The following SLC26A1 variants were observed in gnomAD, a reference collection of about 807,000 sequenced individuals.
SLC26A1 encodes the protein solute carrier family 26 member 1, also known as sulfate anion transporter 1.
A neutral mutation model predicts 14.5 loss-of-function variants in SLC26A1; 18 were observed. The ratio of observed to expected loss-of-function variants is 1.24; its 90% CI spans 0.86 to 1.84. The LOEUF (loss-of-function observed/expected upper bound fraction) is 1.84, where lower values mean the gene tolerates loss of function less well. Ranked by LOEUF, SLC26A1 falls within the 40% of genes most tolerant of loss-of-function variation. The probability of loss-of-function intolerance (pLI) is 0.00; values close to 1 mark genes in which losing one functional copy is unlikely to be tolerated. For synonymous variants in SLC26A1, 505 were observed against 492.0 expected, an observed-to-expected ratio of 1.03 and a Z score of -0.35; for missense variants, 1,049 against 1,020.0, an observed-to-expected ratio of 1.03 and a Z score of -0.39.
At position 989,529 on chromosome 4, in the gene SLC26A1, G is replaced by A. The variant is rs753595571; in HGVS notation, c.1410C>T (p.Asp470=). ...LPRLWRMSPA[D]ALVWAGTAAT... is the part of the protein sequence containing the mutation. ...CCGCGGTGCCTGCCCAGACCAGCGCGTCAGCCGGGCTCATCCGCCACAGCC... is the reference window on the plus strand; with the variant it reads ...CCGCGGTGCCTGCCCAGACCAGCGCATCAGCCGGGCTCATCCGCCACAGCC... The change falls in exon 3 of 3, where the codon GAC becomes GAT. Residue 470 remains aspartate, a synonymous_variant. Transcript: ENST00000398516. 1.2e-5 allele frequency: 18 copies of A among 1,556,854 alleles called. No homozygotes were observed. The highest frequency in any genetic ancestry group is 5.4e-5 in the African/African-American group (4 of 73,674).
rs1271649540 is a variant in SLC26A1, at chr4:991,625, G to C, written c.79C>G (p.Leu27Val). ...VRRQRPAPRGLREMLKARLWC... is the reference protein window; with the variant it reads ...VRRQRPAPRGVREMLKARLWC... ...AGCCTGGCCTTCAGCATCTCACGCA[G>C]ACCCCGGGGTGCTGGGCGCTGCCGT... The change falls in exon 2 of 3, where the codon CTG becomes GTG. Residue 27 changes from leucine to valine, a missense_variant. Physicochemically the swap from Leu to Val is conservative, Grantham distance 32. Transcript: ENST00000398516. 6.3e-7 allele frequency: 1 copy of C among 1,583,194 alleles called. No individual in the cohort carries two copies. Among genetic ancestry groups the C allele is most frequent in the Non-Finnish European group, 8.5e-7 (1 of 1,170,988 alleles).
chr4:983,606 C>A (rs1191042406), downstream of SLC26A1, among the ~76,000 whole-genome samples: 2 of 152,212 alleles, frequency 1.3e-5, no homozygotes, highest in African/African-American at 4.8e-5. Context: ...TTCACAGAAC[C>A]TGAGTATAAA....
downstream of SLC26A1, among the ~76,000 whole-genome samples, chr4:985,855 A>G (rs917030779): frequency 1.3e-5 from 2 of 152,142 alleles, no homozygotes; most frequent in African/African-American, 4.8e-5. Context: ...AACTCTAATT[A>G]TCCTTCTCCC....
At position 990,039 on chromosome 4, in the gene SLC26A1, C is replaced by T; in HGVS notation, c.900G>A (p.Val300=). ...VPLPTELLVI[V]VATLVSHFGQ... ...CGAAGTGCGACACGAGTGTGGCCAC[C>T]ACGATGACCAGCAGCTCCGTGGGCA... The change falls in exon 3 of 3, where the codon GTG becomes GTA. Residue 300 remains valine (V), a synonymous_variant. Transcript: ENST00000398516. The T allele has an allele frequency of 6.3e-7, 1 of 1,598,528 alleles. No individual in the cohort carries two copies. The highest frequency in any genetic ancestry group is 8.5e-7 in the Non-Finnish European group (1 of 1,174,604).
downstream of SLC26A1, among the ~76,000 whole-genome samples, chr4:982,978 A>T (rs1713591659): frequency 6.6e-6 from 1 of 152,168 alleles, no homozygotes; most frequent in Non-Finnish European, 1.5e-5. Context: ...GCTTCACGGA[A>T]CCATGCCTGC....
downstream of SLC26A1, among the ~76,000 whole-genome samples, chr4:985,342 C>T (rs1048588669): frequency 1.3e-5 from 2 of 152,126 alleles, no homozygotes; most frequent in East Asian, 3.9e-4. Context: ...TGCAGAGCCC[C>T]GAGGCCTCAG....
chr4:981,097 CAG>C (rs1200002351), intron 2 of SLC26A1, among the ~76,000 whole-genome samples: 4 of 152,216 alleles, frequency 2.6e-5, no homozygotes, highest in African/African-American at 4.8e-5. Flanking sequence ...CTGCTCCACT[CAG>C]GGCCCGTTTC....
rs1461885620 is a variant in SLC26A1 at position 989,039 on chromosome 4, G to C, written c.1900C>G (p.Arg634Gly). The part of the protein sequence containing the change: ...AAGVSTLQDL[R>G]RDYGALGISL... ...ATGCCCAGGGCCCCGTAGTCTCGGC[G>C]CAGGTCCTGCAGCGTGCTCACACCG... Residue 634 changes from arginine to glycine, a missense_variant, in exon 3 of 3, where the codon CGC becomes GGC. By Grantham distance (125) the Arg-to-Gly change is moderately radical. Coordinates refer to ENST00000398516, the MANE Select transcript of SLC26A1 (RefSeq NM_022042.4). The C allele has an allele frequency of 6.3e-7, 1 of 1,579,724 alleles. No homozygotes were observed. Among genetic ancestry groups the C allele is most frequent in the Non-Finnish European group, 8.6e-7 (1 of 1,163,516 alleles).
At chr4:987,507 C>A, downstream of SLC26A1, 1 of 830,122 alleles carries the variant, frequency 1.2e-6, no homozygotes, top group Non-Finnish European at 1.8e-6. Context: ...TGGGAGTGGA[C>A]GGCCCTGCAG....
At chr4:984,767 T>G (rs1345398466), downstream of SLC26A1, among the ~76,000 whole-genome samples, 1 of 152,136 alleles carries the variant, frequency 6.6e-6, no homozygotes, top group Non-Finnish European at 1.5e-5. Context: ...ATCGCACCAC[T>G]GCACTCCAGC....
In SLC26A1 at chr4:988,319, C is replaced by T; in HGVS notation, c.*514G>A. 3 of 1,102,448 alleles carry T rather than the reference C, an allele frequency of 2.7e-6. No homozygotes were observed. The highest frequency in any genetic ancestry group is 2.2e-6 in the Non-Finnish European group (2 of 902,198). The allele number at this position is 1,102,448 out of a possible 1,614,324, so 68.3% of individuals were successfully genotyped here. A position where few individuals can be genotyped will look rare whatever the true frequency, so the allele number is the denominator to read the frequency against. On this transcript the variant is annotated 3_prime_UTR_variant, in exon 3 of 3. Transcript: ENST00000398516. ...AGCACCCTGGGCCCTGACGCTGGTG[C>T]AGGTGGCCACCCTGTGAGGGGGAGG... is the stretch of plus-strand genomic sequence containing the variant.
rs750133224 is a variant in SLC26A1, at chr4:988,390, ACAGAGACC to A, written c.*435_*442del. The A allele has an allele frequency of 2.8e-6, 3 of 1,053,928 alleles. No individual in the cohort carries two copies. The highest frequency in any genetic ancestry group is 3.4e-6 in the Non-Finnish European group (3 of 873,646). The allele number at this position is 1,053,928 out of a possible 1,614,324, so 65.3% of individuals were successfully genotyped here. ...TGGGTGTGTGGGGCCTTCTGGAAAC[ACAGAGACC>A]CTCGTGCACTTGGCCAGAGCCGCTG... On this transcript the variant is annotated 3_prime_UTR_variant, in exon 3 of 3. Coordinates refer to ENST00000398516, the MANE Select transcript of SLC26A1 (RefSeq NM_022042.4).
downstream of SLC26A1, among the ~76,000 whole-genome samples, chr4:985,716 T>G (rs942463008): frequency 1.3e-5 from 2 of 152,166 alleles, no homozygotes; most frequent in African/African-American, 4.8e-5. Context: ...CCTTGCTAAT[T>G]TGGAATATAT....
chr4:985,581 T>C (rs1220411934), downstream of SLC26A1, among the ~76,000 whole-genome samples: 2 of 152,174 alleles, frequency 1.3e-5, no homozygotes, highest in Non-Finnish European at 2.9e-5. Context: ...TCTGGGGTCG[T>C]TGGACTGAGG....
intron 2 of SLC26A1, among the ~76,000 whole-genome samples, chr4:980,124 C>T (rs1713494344): frequency 6.6e-6 from 1 of 152,162 alleles, no homozygotes; most frequent in South Asian, 2.1e-4. Flanking sequence ...GGAGTTGGAG[C>T]GACTTCCCTG....
intron 2 of SLC26A1, 100 bp from the exon 3 acceptor site, chr4:990,462 G>A: frequency 7.6e-6 from 9 of 1,177,720 alleles, no homozygotes; most frequent in Non-Finnish European, 9.4e-6. Context: ...CACGGCACAG[G>A]ACCTGACAAT....
Position 989,805 on chromosome 4 carries a change from C to T in SLC26A1, c.1134G>A (p.Leu378=), listed in dbSNP as rs755522635. ...GYSVRANQEL[L]AVGCCNVLPA... ...GTAGCACGTTGCAGCAGCCCACAGC[C>T]AGCAGCTCCTGGTTGGCACGCACAG... The change falls in exon 3 of 3, where the codon CTG becomes CTA. Residue 378 remains leucine, a synonymous_variant. Transcript: ENST00000398516. The T allele has an allele frequency of 1.3e-6, 2 of 1,576,136 alleles. No individual in the cohort carries two copies. The highest frequency in any genetic ancestry group is 1.7e-6 in the Non-Finnish European group (2 of 1,161,670).
Position 989,756 on chromosome 4 carries a change from T to C in SLC26A1, c.1183A>G (p.Thr395Ala), listed in dbSNP as rs749122012. The C allele has an allele frequency of 3.9e-6, 6 of 1,558,012 alleles. No homozygotes were observed. In the South Asian group the frequency reaches 5.9e-5, roughly 15 times the overall value. The change falls in exon 3 of 3, where the codon ACC (threonine) becomes GCC (alanine). Residue 395 changes from threonine (T) to alanine (A), a missense_variant. Physicochemically the swap from Thr to Ala is moderately conservative, Grantham distance 58. Transcript: ENST00000398516. ...AGGCTCTTGGCCAGGGCGGCGCTGGTGGCGAAGCAGTGGAGGAAGGCGGGT... is the reference window on the plus strand; with the variant it reads ...AGGCTCTTGGCCAGGGCGGCGCTGGCGGCGAAGCAGTGGAGGAAGGCGGGT... Reference protein sequence around the residue: ...VLPAFLHCFATSAALAKSLVK... With the variant: ...VLPAFLHCFAASAALAKSLVK...
chr4:990,268 A>G lies in SLC26A1; in HGVS notation c.671T>C (p.Leu224Pro), dbSNP rs1207910432. The G allele has an allele frequency of 1.3e-6, 2 of 1,596,850 alleles. No individual in the cohort carries two copies. The highest frequency in any genetic ancestry group is 1.7e-6 in the Non-Finnish European group (2 of 1,173,516). ...GFAMGASVTI[L>P]TSQLKHLLGV... ...CAGCAGGTGTTTGAGCTGCGAGGTC[A>G]GGATGGTCACGGAGGCCCCCATGGC... Residue 224 changes from leucine to proline, a missense_variant, in exon 3 of 3, where the codon CTG (leucine) becomes CCG (proline). Transcript: ENST00000398516.
Sources: allele counts gnomAD v4.1 joint callset (sites outside exome capture counted in the v4.1 genomes callset), GRCh38; gene constraint gnomAD v4.1.1; transcripts MANE v1.5; gene names NCBI Gene and HGNC (gene_info 2026-07-23, HGNC 2026-07-21).